Variants in ANKMY1 observed in about 807,000 individuals in gnomAD.
The protein encoded by ANKMY1 is ankyrin repeat and MYND domain containing 1, also known as ankyrin repeat and MYND domain-containing protein 1.
Under a neutral mutation model 102.0 loss-of-function variants are expected in ANKMY1, and 98 were observed. The ratio of observed to expected loss-of-function variants is 0.96; its 90% CI spans 0.82 to 1.14. The LOEUF (loss-of-function observed/expected upper bound fraction) is 1.14, where lower values mean the gene tolerates loss of function less well. ANKMY1 is among the 50% of genes most tolerant of loss of function. The probability of loss-of-function intolerance (pLI) is 0.00; values close to 1 mark genes in which losing one functional copy is unlikely to be tolerated. For missense variants in ANKMY1, 1,330 were observed against 1,347.6 expected (o/e 0.99, Z 0.20); for synonymous variants, 582 against 559.9 (o/e 1.04, Z -0.56).
intron 3 of ANKMY1, chr2:240,554,330 G>A (rs1043825350): frequency 2.0e-5 from 3 of 153,138 alleles, no homozygotes; most frequent in Middle Eastern, 3.4e-3. Context: ...GAACCCCCTC[G>A]TGGAGATGGA....
At chr2:240,556,734 G>T (rs1170282614) in intron 2 of ANKMY1, among the ~76,000 whole-genome samples, 7 of 152,156 alleles carry the variant, frequency 4.6e-5, no homozygotes, top group Admixed American at 4.6e-4. Flanking sequence ...TGGTGTTGAG[G>T]CTGGTCCCCA....
rs1052767213 is a variant in ANKMY1, at chr2:240,557,817, C to T, written c.-18+64G>A. The T allele has an allele frequency of 1.5e-5, 14 of 955,440 alleles. 1 individual carries two copies. The highest frequency in any genetic ancestry group is 5.4e-4 in the Middle Eastern group (1 of 1,848). The allele number at this position is 955,440 out of a possible 1,614,324, so 59.2% of individuals were successfully genotyped here. A position where few individuals can be genotyped will look rare whatever the true frequency, so the allele number is the denominator to read the frequency against. On this transcript the variant is annotated intron_variant, in intron 1 of 17. Coordinates refer to ENST00000401804, the MANE Select transcript of ANKMY1 (RefSeq NM_001282771.3). ...GAGCCTGGCGCCCCCCCGCACCCGC[C>T]GCCCCACGGAGCTCCGGGATCCCCC... is the stretch of plus-strand genomic sequence containing the variant.
upstream of ANKMY1, among the ~76,000 whole-genome samples, chr2:240,559,550 G>A (rs2092760227): frequency 6.6e-6 from 1 of 152,192 alleles, no homozygotes; most frequent in African/African-American, 2.4e-5. Flanking sequence ...GAAAGCGGAG[G>A]GAGACAGTGT....
intron 13 of ANKMY1, among the ~76,000 whole-genome samples, chr2:240,505,582 G>A (rs1387588713): frequency 6.6e-6 from 1 of 152,206 alleles, no homozygotes; most frequent in African/African-American, 2.4e-5. Flanking sequence ...CATTGGCTGA[G>A]GGGGAGGGCA....
intron 14 of ANKMY1, 100 bp from the exon 15 acceptor site, chr2:240,500,223 A>G: frequency 2.1e-6 from 3 of 1,398,548 alleles, no homozygotes; most frequent in Non-Finnish European, 2.9e-6. Flanking sequence ...CTTGTGATAT[A>G]TAACTGAGGA....
chr2:240,504,528 G>A (rs952401882), intron 13 of ANKMY1, among the ~76,000 whole-genome samples: 11 of 151,956 alleles, frequency 7.2e-5, no homozygotes, highest in Admixed American at 2.0e-4. Context: ...TTACATACCC[G>A]ATAAGGGATT....
At chr2:240,523,726 T>C (rs945887115) in intron 8 of ANKMY1, 159 bp downstream of exon 8, 11 of 1,240,884 alleles carry the variant, frequency 8.9e-6, no homozygotes, top group South Asian at 1.6e-5. Flanking sequence ...GGGCTGGCCA[T>C]GGCGTGGAGC....
chr2:240,561,014 G>C (rs1179972089), upstream of ANKMY1: 4 of 1,534,176 alleles, frequency 2.6e-6, no homozygotes, highest in Admixed American at 2.1e-5. Context: ...GCAGCCGCTC[G>C]GCCGCCGTCT....
chr2:240,524,036 C>A lies in ANKMY1; in HGVS notation c.1681G>T (p.Val561Leu), dbSNP rs3821348. Reference sequence around the variant, plus strand: ...TCGATGGAGAAGTCGCACACACACACGTTGGACTCAAATTTCGTCTCAGCA... The same window carrying A: ...TCGATGGAGAAGTCGCACACACACAAGTTGGACTCAAATTTCGTCTCAGCA... Reference protein sequence around the residue: ...CSAETKFESNVCVCDFSIELS... With the variant: ...CSAETKFESNLCVCDFSIELS... Residue 561 changes from valine (V) to leucine (L), a missense_variant, in exon 8 of 18, where the codon GTG becomes TTG. Coordinates refer to ENST00000401804, the MANE Select transcript of ANKMY1 (RefSeq NM_001282771.3). 260,865 of 1,613,904 alleles carry A rather than the reference C, an allele frequency of 0.16. 22,523 individuals carry two copies. The highest frequency in any genetic ancestry group is 0.27 in the South Asian group (24,327 of 91,074).
At chr2:240,538,035 T>TTCATCAA (rs1288238566) in intron 4 of ANKMY1, among the ~76,000 whole-genome samples, 2 of 152,382 alleles carry the variant, frequency 1.3e-5, no homozygotes, top group Middle Eastern at 3.4e-3. Context: ...GGCTGCCTGA[T>TTCATCAA]TCATCAATCG....
chr2:240,529,585 A>G lies in ANKMY1; in HGVS notation c.481-76T>C. The G allele has an allele frequency of 7.4e-7, 1 of 1,353,844 alleles. No individual in the cohort carries two copies. The highest frequency in any genetic ancestry group is 9.9e-7 in the Non-Finnish European group (1 of 1,011,798). 83.9% of individuals were successfully genotyped at this position (1,353,844 alleles called of 1,614,324 possible). On this transcript the variant is annotated intron_variant, in intron 4 of 17. Transcript: ENST00000401804. The surrounding 1 kb of genome is among the most constrained non-coding windows in gnomAD (Gnocchi z 4.2). ...CATGTGATCATGTTTGTAACGTCAAAAGAAATCCCAAAAAAGAAAACTTTC... is the reference window on the plus strand; with the variant it reads ...CATGTGATCATGTTTGTAACGTCAAGAGAAATCCCAAAAAAGAAAACTTTC...
chr2:240,492,622 T>C (rs1482662021), intron 15 of ANKMY1, among the ~76,000 whole-genome samples: 1 of 152,262 alleles, frequency 6.6e-6, no homozygotes, highest in Non-Finnish European at 1.5e-5. Flanking sequence ...TGAATTGTTT[T>C]TCTAATTTAT....
intron 5 of ANKMY1, chr2:240,526,738 G>C: frequency 7.5e-7 from 1 of 1,328,874 alleles, no homozygotes; most frequent in Non-Finnish European, 9.7e-7. Flanking sequence ...TGATTCATCT[G>C]GGTGTTTGCT....
chr2:240,518,116 G>A (rs570021874), intron 9 of ANKMY1, among the ~76,000 whole-genome samples: 3 of 152,198 alleles, frequency 2.0e-5, no homozygotes, highest in East Asian at 1.9e-4. Flanking sequence ...GTGTTGAAAC[G>A]GGCCCAATTG....
At chr2:240,493,676 G>A (rs1229057397) in intron 15 of ANKMY1, among the ~76,000 whole-genome samples, 2 of 152,158 alleles carry the variant, frequency 1.3e-5, no homozygotes, top group Non-Finnish European at 2.9e-5. Flanking sequence ...TGGCAAGGTT[G>A]TGTGCTAGGG....
intron 15 of ANKMY1, among the ~76,000 whole-genome samples, chr2:240,497,135 A>G (rs954349197): frequency 6.6e-6 from 1 of 151,758 alleles, no homozygotes; most frequent in African/African-American, 2.4e-5. Context: ...TGAGCATAAG[A>G]ATGGAGCCGC....
At chr2:240,517,537 C>T (rs1052785517) in intron 9 of ANKMY1, among the ~76,000 whole-genome samples, 2 of 152,216 alleles carry the variant, frequency 1.3e-5, no homozygotes, top group Non-Finnish European at 2.9e-5. Flanking sequence ...TGGCCGGGCA[C>T]AGTGGCTCAT....
chr2:240,548,243 A>C (rs2090830064), intron 4 of ANKMY1, among the ~76,000 whole-genome samples: 1 of 152,254 alleles, frequency 6.6e-6, no homozygotes, highest in Non-Finnish European at 1.5e-5. Flanking sequence ...CAGCGTATAA[A>C]CAGAACCAAA....
intron 15 of ANKMY1, among the ~76,000 whole-genome samples, chr2:240,492,182 A>G (rs1201517004): frequency 2.6e-5 from 4 of 152,044 alleles, no homozygotes; most frequent in African/African-American, 9.7e-5. Context: ...TTGTAGAGAT[A>G]GGGTCTTGCT....
Sources: gnomAD v4.1 joint callset for allele counts (sites outside exome capture counted in the v4.1 genomes callset) on GRCh38, gnomAD v4.1.1 for gene constraint, Gnocchi (gnomAD v3.1) non-coding constraint, MANE v1.5 for transcripts, NCBI Gene and HGNC (gene_info 2026-07-23, HGNC 2026-07-21) for gene names.